Variants in OCRL observed in about 807,000 individuals in gnomAD.
OCRL encodes the protein OCRL inositol polyphosphate-5-phosphatase.
A neutral mutation model predicts 78.9 loss-of-function variants in OCRL; 8 were observed. The observed-to-expected ratio is 0.10, with a 90% CI of 0.06 to 0.18. The LOEUF is 0.18. OCRL is among the 10% of genes least tolerant of loss of function. The pLI, the probability that OCRL is intolerant of heterozygous loss-of-function variation, is 1.00. For missense variants in OCRL, 454 were observed against 696.7 expected, an observed-to-expected ratio of 0.65 and a Z score of 3.92; for synonymous variants, 240 against 235.4, an observed-to-expected ratio of 1.02 and a Z score of -0.18.
At chrX:129,584,226 T>C in intron 18 of OCRL, 118 bp from the exon 19 acceptor site, 1 of 593,375 alleles carries the variant, frequency 1.7e-6, no homozygotes, top group South Asian at 2.5e-5. Context: ...CAAAGCTGTT[T>C]AAAGCATGTA....
rs1936263788 is a variant in OCRL, at chrX:129,569,267, G to A, written c.1470G>A (p.Gly490=). The A allele has an allele frequency of 1.7e-6, 2 of 1,209,696 alleles. No homozygotes were observed. The highest frequency in any genetic ancestry group is 1.1e-6 in the Non-Finnish European group (1 of 894,813). Residue 490 remains glycine (G), a synonymous_variant, in exon 15 of 24, where the codon GGG becomes GGA. Coordinates refer to ENST00000371113, the MANE Select transcript of OCRL (RefSeq NM_000276.4). ...TAACTCGTTTCTTTACTTACAGTGG[G>A]AAATGCCGGGTTCCAGCCTGGTGTG... ...DSKTDRWDSS[G]KCRVPAWCDR... is the part of the protein sequence containing the mutation.
intron 12 of OCRL, 137 bp from the exon 13 acceptor site, chrX:129,565,635 G>A (rs1193162845): frequency 4.0e-6 from 2 of 501,353 alleles, no homozygotes; most frequent in Non-Finnish European, 7.0e-6. Flanking sequence ...CAAAGGATTA[G>A]TTACAACTTT....
intron 22 of OCRL, 55 bp from the exon 23 acceptor site, chrX:129,589,787 CTCT>C: frequency 1.2e-6 from 1 of 823,506 alleles, no homozygotes; most frequent in Admixed American, 2.2e-5. Flanking sequence ...CTGTAAGTTC[CTCT>C]TACTTTCATC....
At chrX:129,542,310 A>G (rs1303277533) in intron 2 of OCRL, among the ~76,000 whole-genome samples, 1 of 110,017 alleles carries the variant, frequency 9.1e-6, no homozygotes, top group African/African-American at 3.3e-5. Context: ...GGGCTGCTAT[A>G]TAACTAACAT....
intron 12 of OCRL, 44 bp from the exon 13 acceptor site, chrX:129,565,728 T>A (rs1165916174): frequency 3.0e-6 from 3 of 1,008,491 alleles, no homozygotes; most frequent in South Asian, 3.8e-5. Context: ...CTGTTTTTTT[T>A]ATGCTAATCG....
intron 20 of OCRL, 82 bp downstream of exon 20, chrX:129,587,200 C>T (rs770349338): frequency 2.2e-5 from 14 of 638,784 alleles, no homozygotes; most frequent in Middle Eastern, 4.4e-4. Flanking sequence ...GTCAGCATAG[C>T]GCTTTTAACT....
At position 129,578,362 on chromosome X, in the gene OCRL, G is replaced by A. The variant is rs757640254; in HGVS notation, c.2115+1810G>A. Among the ~76,000 whole-genome samples the A allele has an allele frequency of 3.6e-5, 4 of 109,904 alleles. No individual in the cohort carries two copies. The Admixed American group carries it at 3.9e-4, about 11-fold the overall frequency. ...AGTAGTACAGTTCCTACTTTCTTTA[G>A]TGACATTGACTTTTTTAAGAGTCCA... On this transcript the variant is annotated intron_variant, in intron 18 of 23. Coordinates refer to ENST00000371113, the MANE Select transcript of OCRL (RefSeq NM_000276.4).
At chrX:129,585,057 G>A (rs1936491644) in intron 19 of OCRL, among the ~76,000 whole-genome samples, 3 of 112,274 alleles carry the variant, frequency 2.7e-5, no homozygotes, top group African/African-American at 9.7e-5. Context: ...CAGAGTGTGG[G>A]CTTATCAGGC....
chrX:129,552,820 C>T (rs1274868468), intron 4 of OCRL, among the ~76,000 whole-genome samples: 1 of 112,486 alleles, frequency 8.9e-6, no homozygotes, highest in South Asian at 3.7e-4. Context: ...GTCACTAGCA[C>T]GTAGATGATA....
Position 129,540,263 on chromosome X carries a change from CTT to C in OCRL, c.-176_-175del. The C allele has an allele frequency of 1.9e-6, 1 of 528,254 alleles. No individual in the cohort carries two copies. The highest frequency in any genetic ancestry group is 3.2e-6 in the Non-Finnish European group (1 of 317,296). The allele number at this position is 528,254 out of a possible 1,213,427, so 43.5% of individuals were successfully genotyped here. On this transcript the variant is annotated 5_prime_UTR_variant, in exon 1 of 24. Coordinates refer to ENST00000371113, the MANE Select transcript of OCRL (RefSeq NM_000276.4). The stretch of plus-strand genomic sequence containing the variant: ...GCGGGGGCGCGAGGCGCCGCTCTCT[CTT>C]GGGTCAGATTCTCAGCTCCCAGCTC...
At chrX:129,561,099 A>T in intron 9 of OCRL, 80 bp from the exon 10 acceptor site, 1 of 642,508 alleles carries the variant, frequency 1.6e-6, no homozygotes, top group South Asian at 2.3e-5. Context: ...TTTTTCATCT[A>T]ATGTTTCAAC....
At chrX:129,540,932 G>T (rs1793723212) in intron 2 of OCRL, 109 bp downstream of exon 2, 2 of 624,769 alleles carry the variant, frequency 3.2e-6, no homozygotes, top group Non-Finnish European at 5.5e-6. Context: ...GCGGGCAACA[G>T]GTTCAGGTCC....
At chrX:129,577,826 T>C in intron 18 of OCRL, among the ~76,000 whole-genome samples, 1 of 112,464 alleles carries the variant, frequency 8.9e-6, no homozygotes, top group Admixed American at 9.4e-5. Flanking sequence ...TCATGATAAT[T>C]GTTTTTCTCC....
In OCRL at chrX:129,560,794, A is replaced by G. The variant is rs1936135438; in HGVS notation, c.824+143A>G. 3 of 437,733 alleles carry G rather than the reference A, an allele frequency of 6.9e-6. No homozygotes were observed. In the South Asian group the frequency reaches 9.6e-5, roughly 14 times the overall value. The allele number at this position is 437,733 out of a possible 1,213,427, so 36.1% of individuals were successfully genotyped here. ...TAACTTGCGGGTCAAATTTGTGAGA[A>G]CAGAAATGAACAGATACCTAAAATG... On this transcript the variant is annotated intron_variant, in intron 9 of 23. Coordinates refer to ENST00000371113, the MANE Select transcript of OCRL (RefSeq NM_000276.4).
At chrX:129,552,614 G>A (rs773151258) in intron 4 of OCRL, among the ~76,000 whole-genome samples, 2 of 111,808 alleles carry the variant, frequency 1.8e-5, no homozygotes, top group South Asian at 7.5e-4. Flanking sequence ...CAGTAGAGAT[G>A]GGGTTTTGCC....
chrX:129,586,232 A>G (rs932970464), intron 19 of OCRL, among the ~76,000 whole-genome samples: 14 of 112,249 alleles, frequency 1.2e-4, no homozygotes, highest in Non-Finnish European at 2.6e-4. Flanking sequence ...AAATTCTTTC[A>G]GAAGAATATA....
intron 12 of OCRL, 50 bp downstream of exon 12, chrX:129,562,836 G>A (rs765452936): frequency 6.4e-6 from 7 of 1,085,394 alleles, no homozygotes; most frequent in Admixed American, 2.2e-5. Context: ...ACAGGAGTTT[G>A]GATAGTGTAG....
intron 18 of OCRL, among the ~76,000 whole-genome samples, chrX:129,580,334 A>T (rs1936423744): frequency 8.9e-6 from 1 of 112,003 alleles, no homozygotes; most frequent in Non-Finnish European, 1.9e-5. Context: ...ATGTATGAAA[A>T]ACTGTAAGAT....
intron 12 of OCRL, among the ~76,000 whole-genome samples, chrX:129,564,440 T>C (rs1187219937): frequency 9.0e-6 from 1 of 110,902 alleles, no homozygotes; most frequent in Non-Finnish European, 1.9e-5. Context: ...ATCGCGGCAC[T>C]ATTCACAATA....
Sources: gnomAD v4.1 joint callset for allele counts (sites outside exome capture counted in the v4.1 genomes callset) on GRCh38, gnomAD v4.1.1 for gene constraint, MANE v1.5 for transcripts, NCBI Gene and HGNC (gene_info 2026-07-23, HGNC 2026-07-21) for gene names.